Variants in PRDM16 observed in about 807,000 individuals in gnomAD.
PRDM16 encodes the protein histone-lysine N-methyltransferase PRDM16.
Under a neutral mutation model 110.6 loss-of-function variants are expected in PRDM16, and 23 were observed. The observed-to-expected ratio is 0.21, with a 90% CI of 0.15 to 0.29. PRDM16 has a LOEUF of 0.29. PRDM16 is among the 10% of genes least tolerant of loss of function. PRDM16 has a pLI of 1.00. For missense variants in PRDM16, 1,615 were observed against 1,794.3 expected, an observed-to-expected ratio of 0.90 and a Z score of 1.81; for synonymous variants, 799 against 781.8, an observed-to-expected ratio of 1.02 and a Z score of -0.37.
intron 1 of PRDM16, among the ~76,000 whole-genome samples, chr1:3,083,414 G>C (rs953762716): frequency 6.6e-6 from 1 of 152,236 alleles, no homozygotes; most frequent in African/African-American, 2.4e-5. Flanking sequence ...CGGGCAGATC[G>C]TCCTGGGGCT....
chr1:3,175,437 C>T lies in PRDM16; in HGVS notation c.38-10688C>T, dbSNP rs1052633760. On this transcript the variant is annotated intron_variant, in intron 1 of 16. Transcript: ENST00000270722. The surrounding 1 kb of genome is among the most constrained non-coding windows in gnomAD (Gnocchi z 4.8). ...TCCCACAACCACAGCCTGCCTGATG[C>T]GCCCACCTCTCCCTCTCCCTGTTTT... 3.9e-5 allele frequency among the ~76,000 whole-genome samples: 6 copies of T among 152,194 alleles called. No individual in the cohort carries two copies. Among genetic ancestry groups the T allele is most frequent in the African/African-American group, 1.2e-4 (5 of 41,452 alleles).
chr1:3,329,348 A>T (rs986293835), intron 3 of PRDM16, among the ~76,000 whole-genome samples: 1 of 151,366 alleles, frequency 6.6e-6, no homozygotes, highest in Admixed American at 6.6e-5. Flanking sequence ...TCCGGGTAGG[A>T]CCCCTCCAAC....
intron 1 of PRDM16, among the ~76,000 whole-genome samples, chr1:3,097,153 C>T (rs1210325024): frequency 6.6e-6 from 1 of 152,142 alleles, no homozygotes; most frequent in South Asian, 2.1e-4. Context: ...AGGTCATGGG[C>T]AAGGTTAAGG....
chr1:3,073,738 A>G (rs1033940586), intron 1 of PRDM16, among the ~76,000 whole-genome samples: 9 of 152,240 alleles, frequency 5.9e-5, no homozygotes, highest in African/African-American at 2.2e-4. Flanking sequence ...GTCGCGGCCA[A>G]CTACCGCGGA....
intron 3 of PRDM16, among the ~76,000 whole-genome samples, chr1:3,347,500 C>G (rs555197657): frequency 6.2e-4 from 95 of 152,328 alleles, no homozygotes; most frequent in Admixed American, 1.5e-3. Flanking sequence ...CAGGCAGGCT[C>G]TGTGCACACT....
intron 2 of PRDM16, among the ~76,000 whole-genome samples, chr1:3,214,753 C>T (rs1569858602): frequency 6.6e-6 from 1 of 152,230 alleles, no homozygotes; most frequent in East Asian, 1.9e-4. Context: ...TGTTGGGCCC[C>T]TGTTGGGTGC....
At chr1:3,283,112 T>C (rs535216363) in intron 3 of PRDM16, among the ~76,000 whole-genome samples, 2 of 152,096 alleles carry the variant, frequency 1.3e-5, no homozygotes, top group African/African-American at 4.8e-5. Context: ...CTCCCGACAC[T>C]TGGTTTTGGA....
In PRDM16 at chr1:3,423,030, C is replaced by CCAA. The variant is rs1638483227; in HGVS notation, c.2940-2551_2940-2550insCAA. Among the ~76,000 whole-genome samples, 8 of 152,364 alleles carry CCAA rather than the reference C, an allele frequency of 5.3e-5. No homozygotes were observed. In the South Asian group the frequency reaches 1.7e-3, roughly 32 times the overall value. On this transcript the variant is annotated intron_variant, in intron 12 of 16. Transcript: ENST00000270722. Reference sequence around the variant, plus strand: ...TCACCAATGCTTCTTTTCCTGTCTACTGTTGAAGAGGCCAGAGTGAGCCTG... The same window carrying CCAA: ...TCACCAATGCTTCTTTTCCTGTCTACCAATGTTGAAGAGGCCAGAGTGAGCCTG...
chr1:3,236,249 C>G (rs780539599), intron 2 of PRDM16, among the ~76,000 whole-genome samples: 15 of 152,058 alleles, frequency 9.9e-5, no homozygotes, highest in Non-Finnish European at 2.9e-5. Context: ...CTCCCACAGC[C>G]CCTGGGGCTG....
chr1:3,340,530 C>T (rs1000918978), intron 3 of PRDM16, among the ~76,000 whole-genome samples: 2 of 152,180 alleles, frequency 1.3e-5, no homozygotes, highest in African/African-American at 4.8e-5. Flanking sequence ...CAACTTGCAT[C>T]AATACCATCT....
chr1:3,414,562 G>A lies in PRDM16; in HGVS notation c.2606G>A (p.Arg869Lys), dbSNP rs1037369704. 1.2e-6 allele frequency: 2 copies of A among 1,612,788 alleles called. No homozygotes were observed. Among genetic ancestry groups the A allele is most frequent in the South Asian group, 1.1e-5 (1 of 91,020 alleles). ...TAACCCTCTGTGCTGTTGTCCAGCA[G>A]GGTAGAAAAGCGGAAGGTCACAGAC... ...SPFFMDPIYS[R>K]VEKRKVTDPV... The change falls in exon 10 of 17, where the codon AGG becomes AAG. Residue 869 changes from arginine (R) to lysine (K), a missense_variant and splice_region_variant. Arg to Lys is a conservative substitution (Grantham distance 26). This residue lies in a region of PRDM16 where 772 missense variants were observed against 748.3 expected (regional missense o/e 1.03). Transcript: ENST00000270722.
intron 14 of PRDM16, among the ~76,000 whole-genome samples, chr1:3,426,459 T>C (rs1194942375): frequency 1.3e-5 from 2 of 152,090 alleles, no homozygotes; most frequent in African/African-American, 4.8e-5. Flanking sequence ...ACCCCTGGGC[T>C]TATGACCTCA....
At chr1:3,277,772 C>T (rs950181908) in intron 3 of PRDM16, among the ~76,000 whole-genome samples, 7 of 138,080 alleles carry the variant, frequency 5.1e-5, no homozygotes, top group Non-Finnish European at 1.1e-4. Flanking sequence ...CACGCGCACA[C>T]ACACGCACAC....
chr1:3,258,673 C>G (rs538806475), intron 3 of PRDM16, among the ~76,000 whole-genome samples: 1 of 152,322 alleles, frequency 6.6e-6, no homozygotes, highest in African/African-American at 2.4e-5. Flanking sequence ...GGAAAATTAT[C>G]ACATAAAAAG....
chr1:3,086,482 T>C (rs1450320974), intron 1 of PRDM16, among the ~76,000 whole-genome samples: 2 of 152,114 alleles, frequency 1.3e-5, no homozygotes, highest in Non-Finnish European at 2.9e-5. Context: ...TGCAGTGTCC[T>C]CCCTTTGCTT....
rs1000305716 is a variant in PRDM16 at position 3,213,170 on chromosome 1, A to G, written c.387+26696A>G. Among the ~76,000 whole-genome samples the G allele has an allele frequency of 2.6e-5, 4 of 152,254 alleles. No homozygotes were observed. Among genetic ancestry groups the G allele is most frequent in the African/African-American group, 9.6e-5 (4 of 41,468 alleles). ...AAAGGAAATGCCACCGCCAACAGCA[A>G]CAGAAACACAGATTTGGAGATCCCC... On this transcript the variant is annotated intron_variant, in intron 2 of 16. Coordinates refer to ENST00000270722, the MANE Select transcript of PRDM16 (RefSeq NM_022114.4). This position sits in a 1 kb window ranked among gnomAD's most constrained non-coding sequence, Gnocchi z 5.3.
chr1:3,347,396 G>C (rs989120266), intron 3 of PRDM16, among the ~76,000 whole-genome samples: 3 of 152,220 alleles, frequency 2.0e-5, no homozygotes, highest in South Asian at 4.1e-4. Context: ...GAAGGAGCCC[G>C]GAACACCCTG....
chr1:3,330,574 C>T (rs1480486159), intron 3 of PRDM16, among the ~76,000 whole-genome samples: 1 of 152,170 alleles, frequency 6.6e-6, no homozygotes, highest in Admixed American at 6.5e-5. Context: ...GCTGCCTCAG[C>T]AGGGGCCACT....
At chr1:3,383,326 G>T (rs147956225) in intron 3 of PRDM16, among the ~76,000 whole-genome samples, 3 of 152,244 alleles carry the variant, frequency 2.0e-5, no homozygotes, top group East Asian at 1.9e-4. Flanking sequence ...CTGACCTCCC[G>T]CCCTGCACCC....
Sources: allele counts gnomAD v4.1 joint callset (sites outside exome capture counted in the v4.1 genomes callset), GRCh38; gene constraint gnomAD v4.1.1; regional missense constraint gnomAD v4.1.1; non-coding constraint Gnocchi (gnomAD v3.1); transcripts MANE v1.5; gene names NCBI Gene and HGNC (gene_info 2026-07-23, HGNC 2026-07-21).